Variants in CCNC observed in about 807,000 individuals in gnomAD.
The protein encoded by CCNC is cyclin-C.
Under a neutral mutation model 50.0 loss-of-function variants are expected in CCNC, and 19 were observed. The ratio of observed to expected loss-of-function variants is 0.38; its 90% CI spans 0.27 to 0.56. The LOEUF (loss-of-function observed/expected upper bound fraction) is 0.56. CCNC is among the 20% of genes least tolerant of loss of function. CCNC has a pLI of 0.72. For missense variants in CCNC, 200 were observed against 327.1 expected (o/e 0.61, Z 3.00); for synonymous variants, 93 against 103.7 (o/e 0.90, Z 0.63).
chr6:99,554,116 C>T (rs1802420219), intron 5 of CCNC, among the ~76,000 whole-genome samples: 1 of 151,696 alleles, frequency 6.6e-6, no homozygotes, highest in African/African-American at 2.4e-5. Context: ...TTAGGAGTAC[C>T]AGTCAAGTAT....
chr6:99,546,287 AC>A (rs1802066516), intron 10 of CCNC, 107 bp downstream of exon 10: 1 of 735,834 alleles, frequency 1.4e-6, no homozygotes, highest in Admixed American at 2.2e-5. Flanking sequence ...ATATTTTGTA[AC>A]CAATAATCTT....
intron 1 of CCNC, 176 bp downstream of exon 1, chr6:99,568,320 G>A (rs1769243730): frequency 1.7e-6 from 1 of 604,844 alleles, no homozygotes; most frequent in African/African-American, 1.9e-5. Flanking sequence ...CTGGGGCTGG[G>A]GGCGGGGAGG....
intron 10 of CCNC, among the ~76,000 whole-genome samples, 173 bp from the exon 11 acceptor site, chr6:99,545,403 T>C (rs987223374): frequency 1.7e-4 from 26 of 152,190 alleles, no homozygotes; most frequent in African/African-American, 6.0e-4. Flanking sequence ...ATTTTCCTTC[T>C]AGCATCTCAT....
At chr6:99,549,451 A>G in intron 9 of CCNC, 57 bp downstream of exon 9, 2 of 1,158,250 alleles carry the variant, frequency 1.7e-6, no homozygotes, top group Non-Finnish European at 1.3e-6. Context: ...TTAGTTTAGG[A>G]TGACCTAAAT....
chr6:99,556,878 G>A (rs1417190815), intron 5 of CCNC, among the ~76,000 whole-genome samples: 1 of 152,204 alleles, frequency 6.6e-6, no homozygotes, highest in Non-Finnish European at 1.5e-5. Flanking sequence ...CCAAGATCGT[G>A]CCACTGCACT....
In CCNC at chr6:99,546,487, T is replaced by C; in HGVS notation, c.599-13A>G. 6.4e-7 allele frequency: 1 copy of C among 1,568,684 alleles called. No individual in the cohort carries two copies. Among genetic ancestry groups the C allele is most frequent in the Non-Finnish European group, 8.8e-7 (1 of 1,139,208 alleles). On this transcript the variant is annotated splice_polypyrimidine_tract_variant and intron_variant, in intron 9 of 11. Transcript: ENST00000520429. Reference sequence around the variant, plus strand: ...ACATGTAGGCAAGCTGAAATGAAAATGAGAGACAACTGTCCATGTTTAACT... The same window carrying C: ...ACATGTAGGCAAGCTGAAATGAAAACGAGAGACAACTGTCCATGTTTAACT...
At position 99,551,904 on chromosome 6, in the gene CCNC, A is replaced by C. The variant is rs754016354; in HGVS notation, c.347-9T>G. ...TGAAAATCTAGTTTTTACTGCAGAAAATAAAAAAAAAATTTAAACTGAGAA... is the reference window on the plus strand; with the variant it reads ...TGAAAATCTAGTTTTTACTGCAGAACATAAAAAAAAAATTTAAACTGAGAA... On this transcript the variant is annotated splice_polypyrimidine_tract_variant and intron_variant, in intron 5 of 11. Coordinates refer to ENST00000520429, the MANE Select transcript of CCNC (RefSeq NM_005190.4). 3 of 1,411,408 alleles carry C rather than the reference A, an allele frequency of 2.1e-6. 1 individual carries two copies. In the South Asian group the frequency reaches 4.1e-5, roughly 20 times the overall value. The allele number at this position is 1,411,408 out of a possible 1,614,324, so 87.4% of individuals were successfully genotyped here. A position where few individuals can be genotyped will look rare whatever the true frequency, so the allele number is the denominator to read the frequency against.
chr6:99,568,178 C>T (rs1769233713), intron 1 of CCNC: 1 of 432,628 alleles, frequency 2.3e-6, no homozygotes, highest in Admixed American at 3.6e-5. Context: ...CTTCCCGTAC[C>T]TGTGCCCACT....
intron 4 of CCNC, among the ~76,000 whole-genome samples, chr6:99,558,864 G>C (rs979170141): frequency 6.6e-6 from 1 of 151,960 alleles, no homozygotes; most frequent in Admixed American, 6.6e-5. Context: ...TCAAATTTTG[G>C]AGCATTTAGG....
chr6:99,561,561 TAA>T (rs1389691692), intron 3 of CCNC, 34 bp downstream of exon 3: 2 of 1,461,874 alleles, frequency 1.4e-6, no homozygotes, highest in Non-Finnish European at 1.9e-6. Context: ...CAACATTAGA[TAA>T]GAGTTCAAAT....
At chr6:99,544,280 A>G in intron 11 of CCNC, 1 of 1,534,844 alleles carries the variant, frequency 6.5e-7, no homozygotes, top group Non-Finnish European at 8.7e-7. Context: ...ATTTCTGCAA[A>G]AAATGCATCC....
intron 5 of CCNC, among the ~76,000 whole-genome samples, chr6:99,552,791 C>T (rs958949994): frequency 6.6e-6 from 1 of 152,038 alleles, no homozygotes; most frequent in African/African-American, 2.4e-5. Context: ...GCCTGTAATC[C>T]CAGCACTTTG....
At chr6:99,549,303 A>C (rs1197040403) in intron 9 of CCNC, 1 of 633,978 alleles carries the variant, frequency 1.6e-6, no homozygotes, top group Admixed American at 2.8e-5. Flanking sequence ...AAAAAAAAAA[A>C]AAACTTACCA....
At chr6:99,566,824 G>T in intron 1 of CCNC, 1 of 322,158 alleles carries the variant, frequency 3.1e-6, no homozygotes, top group Non-Finnish European at 6.2e-6. Flanking sequence ...AGATGTTAAA[G>T]TGTGAAAACG....
intron 5 of CCNC, chr6:99,557,420 T>C (rs747439284): frequency 4.6e-5 from 7 of 152,150 alleles, no homozygotes; most frequent in Non-Finnish European, 8.8e-5. Flanking sequence ...GACCAATATA[T>C]GTCCCCCTCC....
chr6:99,566,546 T>G (rs1769135809), intron 1 of CCNC, among the ~76,000 whole-genome samples: 1 of 152,164 alleles, frequency 6.6e-6, no homozygotes. Context: ...AAATACTTAG[T>G]GCCCTTCTAG....
chr6:99,558,794 T>G (rs1802653169), intron 4 of CCNC, among the ~76,000 whole-genome samples: 1 of 152,204 alleles, frequency 6.6e-6, no homozygotes, highest in Non-Finnish European at 1.5e-5. Flanking sequence ...TCTAAAAATC[T>G]GAAATGCAAA....
At chr6:99,550,529 G>A (rs1487108874) in intron 7 of CCNC, 5 of 438,412 alleles carry the variant, frequency 1.1e-5, no homozygotes, top group African/African-American at 4.1e-5. Flanking sequence ...TTGATAAATC[G>A]GTTGGCAGTC....
chr6:99,547,466 G>T (rs1802112089), intron 9 of CCNC, among the ~76,000 whole-genome samples: 1 of 151,080 alleles, frequency 6.6e-6, no homozygotes, highest in Non-Finnish European at 1.5e-5. Flanking sequence ...CTGAAGAGCT[G>T]ATATCTAAGC....
Sources: gnomAD v4.1 joint callset for allele counts (sites outside exome capture counted in the v4.1 genomes callset) on GRCh38, gnomAD v4.1.1 for gene constraint, MANE v1.5 for transcripts, NCBI Gene and HGNC (gene_info 2026-07-23, HGNC 2026-07-21) for gene names.